The following AOPEP variants were observed in gnomAD, a reference collection of about 807,000 sequenced individuals.
AOPEP encodes the protein aminopeptidase O.
Under a neutral mutation model 98.1 loss-of-function variants are expected in AOPEP, and 77 were observed. The ratio of observed to expected loss-of-function variants is 0.78; its 90% confidence interval spans 0.65 to 0.95. The LOEUF (loss-of-function observed/expected upper bound fraction) is 0.95. AOPEP is among the 40% of genes least tolerant of loss of function. AOPEP has a pLI of 0.00. For missense variants in AOPEP, 1,024 were observed against 1,024.7 expected, an observed-to-expected ratio of 1.00 and a Z score of 0.01; for synonymous variants, 346 against 365.3, an observed-to-expected ratio of 0.95 and a Z score of 0.60.
At chr9:94,742,341 A>G (rs536036424) in intron 1 of AOPEP, among the ~76,000 whole-genome samples, 1 of 152,298 alleles carries the variant, frequency 6.6e-6, no homozygotes, top group South Asian at 2.1e-4. Flanking sequence ...CTTGATGAGT[A>G]GCCCACCAAC....
At chr9:95,129,715 C>T in the AOPEP span, among the ~76,000 whole-genome samples, 11 of 152,320 alleles carry the variant, frequency 7.2e-5, no homozygotes, top group East Asian at 7.7e-4. Context: ...ATCATTTCAA[C>T]TCGAGGGGAG....
rs988345872 is a variant in AOPEP, at chr9:95,086,007, C to T, written c.*5-675C>T. 5.9e-6 allele frequency: 8 copies of T among 1,366,136 alleles called. No homozygotes were observed. In the African/African-American group the frequency reaches 5.9e-5, roughly 10 times the overall value. The allele number at this position is 1,366,136 out of a possible 1,614,324, so 84.6% of individuals were successfully genotyped here. On this transcript the variant is annotated intron_variant, in intron 16 of 16. Coordinates refer to ENST00000375315, the MANE Select transcript of AOPEP (RefSeq NM_001193329.3). ...CTGAGGCGCTGCTTCTCCGGGCTGT[C>T]GATTGGACCCGCCCTCCGGTGCCTA...
intron 9 of AOPEP, among the ~76,000 whole-genome samples, chr9:94,966,301 G>T (rs1162796116): frequency 6.6e-6 from 1 of 151,996 alleles, no homozygotes; most frequent in Non-Finnish European, 1.5e-5. Context: ...GCTTCGGTCT[G>T]CAGTTCACTG....
At chr9:94,996,950 C>T (rs1218336548) in intron 11 of AOPEP, among the ~76,000 whole-genome samples, 1 of 152,216 alleles carries the variant, frequency 6.6e-6, no homozygotes, top group Non-Finnish European at 1.5e-5. Context: ...AGCCAGCAAT[C>T]TTCCAAATGC....
chr9:94,877,056 G>T (rs755565661), intron 5 of AOPEP, among the ~76,000 whole-genome samples: 1 of 152,118 alleles, frequency 6.6e-6, no homozygotes, highest in African/African-American at 2.4e-5. Flanking sequence ...GTTGAAAATA[G>T]TTTATCTATT....
At chr9:94,954,730 T>A (rs956927633) in intron 7 of AOPEP, among the ~76,000 whole-genome samples, 3 of 152,198 alleles carry the variant, frequency 2.0e-5, no homozygotes, top group Non-Finnish European at 4.4e-5. Context: ...AAAGTACAAA[T>A]ATTTATTAAA....
intron 2 of AOPEP, among the ~76,000 whole-genome samples, chr9:94,770,121 C>A (rs1840532689): frequency 6.6e-6 from 1 of 152,206 alleles, no homozygotes; most frequent in Non-Finnish European, 1.5e-5. Context: ...GGAAAACATC[C>A]TTTCTGTGTC....
At chr9:94,750,127 C>T (rs1481926876) in intron 1 of AOPEP, among the ~76,000 whole-genome samples, 2 of 152,180 alleles carry the variant, frequency 1.3e-5, no homozygotes, top group Non-Finnish European at 2.9e-5. Context: ...TTGATCTCCT[C>T]CATACTTGCA....
intron 13 of AOPEP, among the ~76,000 whole-genome samples, chr9:95,023,896 C>T: frequency 6.6e-6 from 1 of 152,138 alleles, no homozygotes; most frequent in East Asian, 1.9e-4. Flanking sequence ...AAAGGCCTTG[C>T]TTATGTAGTC....
At chr9:95,118,850 G>A in the AOPEP span, among the ~76,000 whole-genome samples, 14 of 152,164 alleles carry the variant, frequency 9.2e-5, no homozygotes, top group Non-Finnish European at 2.1e-4. Flanking sequence ...CCAGTTTGGG[G>A]CTGTCATGAA....
At chr9:94,945,607 A>G (rs2057529132) in intron 7 of AOPEP, among the ~76,000 whole-genome samples, 1 of 152,090 alleles carries the variant, frequency 6.6e-6, no homozygotes, top group Admixed American at 6.5e-5. Flanking sequence ...CCCCATGCCT[A>G]GGGCCGTGCT....
chr9:94,937,253 G>T (rs2056410642), intron 7 of AOPEP, among the ~76,000 whole-genome samples: 1 of 152,178 alleles, frequency 6.6e-6, no homozygotes, highest in Non-Finnish European at 1.5e-5. Context: ...AAGATCCAGA[G>T]GATTTTAGAA....
intron 14 of AOPEP, among the ~76,000 whole-genome samples, chr9:95,078,515 A>T (rs1206363861): frequency 6.6e-6 from 1 of 152,266 alleles, no homozygotes; most frequent in African/African-American, 2.4e-5. Context: ...AGAAACCGAC[A>T]GGTCTCACGC....
At chr9:94,973,826 C>G (rs1171587108) in intron 10 of AOPEP, among the ~76,000 whole-genome samples, 1 of 152,190 alleles carries the variant, frequency 6.6e-6, no homozygotes, top group Non-Finnish European at 1.5e-5. Context: ...AGTTCTAGGT[C>G]CTGGCTAAGT....
chr9:94,861,428 GAC>G (rs2044973677), intron 5 of AOPEP, among the ~76,000 whole-genome samples: 1 of 152,190 alleles, frequency 6.6e-6, no homozygotes, highest in African/African-American at 2.4e-5. Context: ...ATCTGTTACT[GAC>G]ACAGAGTCAT....
rs778557289 is a variant in AOPEP at position 95,005,596 on chromosome 9, A to G, written c.2095A>G (p.Lys699Glu). 1.9e-6 allele frequency: 3 copies of G among 1,613,904 alleles called. No individual in the cohort carries two copies. The highest frequency in any genetic ancestry group is 2.5e-6 in the Non-Finnish European group (3 of 1,179,926). ...RRPRKRKRREKEEVFEKLLPD... is the reference protein window; with the variant it reads ...RRPRKRKRREEEEVFEKLLPD... ...ACCCCGAAAACGGAAGCGCAGGGAG[A>G]AGGAAGAGGTGTTTGAAAAGGTAGG... The change falls in exon 13 of 17, where the codon AAG becomes GAG. Residue 699 changes from lysine (K) to glutamate (E), a missense_variant. Around this residue, in one of 3 missense-constraint regions of AOPEP, gnomAD observed 566 missense variants for 551.7 expected, o/e 1.03. Transcript: ENST00000375315.
At chr9:95,081,432 A>C (rs548039844) in intron 15 of AOPEP, among the ~76,000 whole-genome samples, 1 of 152,332 alleles carries the variant, frequency 6.6e-6, no homozygotes, top group East Asian at 1.9e-4. Context: ...CCTCTGAATG[A>C]GTGGCCTGTC....
chr9:95,092,094 ACAC>A (rs2070875818), downstream of AOPEP, among the ~76,000 whole-genome samples: 2 of 151,922 alleles, frequency 1.3e-5, no homozygotes, highest in Non-Finnish European at 2.9e-5. Flanking sequence ...ACACACACAC[ACAC>A]TAGTAGGGAG....
At chr9:95,135,557 A>T in the AOPEP span, 1 of 1,548,702 alleles carries the variant, frequency 6.5e-7, no homozygotes, top group Non-Finnish European at 8.9e-7. Flanking sequence ...TGAAAAAAGA[A>T]GATTAAAAAA....
Sources: gnomAD v4.1 joint callset for allele counts (sites outside exome capture counted in the v4.1 genomes callset) on GRCh38, gnomAD v4.1.1 for gene constraint, gnomAD v4.1.1 regional missense constraint, MANE v1.5 for transcripts, NCBI Gene and HGNC (gene_info 2026-07-23, HGNC 2026-07-21) for gene names.